The following APBA1 variants were observed in gnomAD, a reference collection of about 807,000 sequenced individuals.
APBA1 encodes the protein amyloid beta precursor protein binding family A member 1.
APBA1 carries 55 observed loss-of-function variants against 86.6 expected under a neutral mutation model. That is an observed-to-expected ratio of 0.64 (90% confidence interval 0.51 to 0.80). APBA1 has a LOEUF of 0.80. Ranked by LOEUF, APBA1 falls within the 30% of genes least tolerant of loss-of-function variation. The probability of loss-of-function intolerance (pLI) is 0.00; values close to 1 mark genes in which losing one functional copy is unlikely to be tolerated. For missense variants in APBA1, 1,090 were observed against 1,183.0 expected (o/e 0.92, Z 1.15); for synonymous variants, 511 against 493.9 (o/e 1.03, Z -0.46).
chr9:69,661,537 C>T lies in APBA1; in HGVS notation c.-70+10616G>A, dbSNP rs557590869. ...CACTGTATTCCAGCTCATTCTGAGT[C>T]CTTGCCACCCCACAGGGCCAAGAAT... On this transcript the variant is annotated intron_variant, in intron 1 of 12. Coordinates refer to ENST00000265381, the MANE Select transcript of APBA1 (RefSeq NM_001163.4). Among the ~76,000 whole-genome samples, 6 of 152,228 alleles carry T rather than the reference C, an allele frequency of 3.9e-5. No individual in the cohort carries two copies. In the South Asian group the frequency reaches 1.2e-3, roughly 32 times the overall value.
chr9:69,512,665 G>A (rs955515566), intron 2 of APBA1, among the ~76,000 whole-genome samples: 2 of 152,140 alleles, frequency 1.3e-5, no homozygotes, highest in African/African-American at 4.8e-5. Flanking sequence ...TGGGGAAAGT[G>A]CCCAGATAAT....
rs1564105098 is a variant in APBA1 at position 69,658,316 on chromosome 9, T to TTCTCTCTCTTTCTCTC, written c.-70+13836_-70+13837insGAGAGAAAGAGAGAGA. On this transcript the variant is annotated intron_variant, in intron 1 of 12. Coordinates refer to ENST00000265381, the MANE Select transcript of APBA1 (RefSeq NM_001163.4). ...TCTTTCTCTCTCTCTCTTTCTTTCT[T>TTCTCTCTCTTTCTCTC]TCTTTCTTTCTTTCTTTCTTTCTTT... 3.6e-5 allele frequency among the ~76,000 whole-genome samples: 3 copies of TTCTCTCTCTTTCTCTC among 82,958 alleles called. No homozygotes were observed. The East Asian group carries it at 1.2e-3, about 33-fold the overall frequency. 54.4% of individuals were successfully genotyped at this position (82,958 alleles called of 152,430 possible).
intron 1 of APBA1, among the ~76,000 whole-genome samples, chr9:69,520,411 C>A (rs1010785798): frequency 2.0e-5 from 3 of 152,052 alleles, no homozygotes; most frequent in African/African-American, 7.2e-5. Context: ...AGTAATTCTA[C>A]ATATAGAAGT....
intron 1 of APBA1, among the ~76,000 whole-genome samples, chr9:69,591,335 C>T (rs1822124215): frequency 6.6e-6 from 1 of 152,180 alleles, no homozygotes; most frequent in Admixed American, 6.5e-5. Context: ...GTAGTTTATA[C>T]TTTCAAATAC....
chr9:69,458,715 A>C (rs551973361), intron 5 of APBA1, among the ~76,000 whole-genome samples: 1 of 151,970 alleles, frequency 6.6e-6, no homozygotes, highest in African/African-American at 2.4e-5. Flanking sequence ...TTTTTTTTCA[A>C]ATTTCCACTG....
chr9:69,537,967 G>T (rs1044197511), intron 1 of APBA1, among the ~76,000 whole-genome samples: 1 of 151,878 alleles, frequency 6.6e-6, no homozygotes, highest in African/African-American at 2.4e-5. Context: ...CAAAGATGAG[G>T]ACTGTTTTGT....
intron 1 of APBA1, among the ~76,000 whole-genome samples, chr9:69,613,095 T>A (rs1426338819): frequency 1.3e-5 from 2 of 152,056 alleles, no homozygotes; most frequent in African/African-American, 4.8e-5. Flanking sequence ...ATGAAAAAAA[T>A]TTGTGTGTGT....
chr9:69,542,449 G>A lies in APBA1; in HGVS notation c.-69-25170C>T, dbSNP rs112094200. On this transcript the variant is annotated intron_variant, in intron 1 of 12. Transcript: ENST00000265381. ...ATTCCTCCATGTCTTTCTCTGCCTT[G>A]AGCGCTCATTTCTTTTTAGCACTGA... 3.4e-3 allele frequency among the ~76,000 whole-genome samples: 519 copies of A among 152,254 alleles called. 3 individuals carry two copies. The highest frequency in any genetic ancestry group is 0.012 in the African/African-American group (485 of 41,540).
intron 11 of APBA1, among the ~76,000 whole-genome samples, chr9:69,440,775 GCTGCACCCACTGTC>G (rs1000959803): frequency 1.6e-4 from 24 of 152,248 alleles, no homozygotes; most frequent in African/African-American, 4.6e-4. Flanking sequence ...TGCACAGTGC[GCTGCACCCACTGTC>G]CTGCACCCAC....
At chr9:69,441,532 A>G (rs1834824849) in intron 10 of APBA1, among the ~76,000 whole-genome samples, 1 of 152,238 alleles carries the variant, frequency 6.6e-6, no homozygotes, top group East Asian at 1.9e-4. Context: ...TCTGAAAGGC[A>G]AACTCTAGCA....
intron 2 of APBA1, among the ~76,000 whole-genome samples, chr9:69,511,324 GC>G (rs1483080026): frequency 6.6e-6 from 1 of 152,194 alleles, no homozygotes; most frequent in African/African-American, 2.4e-5. Flanking sequence ...ATGAAAAAAT[GC>G]TCATCATCAC....
At chr9:69,658,324 T>TCTCTTTCTCTCTCTCTC (rs1823676635) in intron 1 of APBA1, among the ~76,000 whole-genome samples, 1 of 128,804 alleles carries the variant, frequency 7.8e-6, no homozygotes, top group African/African-American at 3.1e-5. Context: ...CTTTCTTTCT[T>TCTCTTTCTCTCTCTCTC]TCTTTCTTTC....
At chr9:69,642,376 A>G (rs1823304712) in intron 1 of APBA1, among the ~76,000 whole-genome samples, 1 of 152,224 alleles carries the variant, frequency 6.6e-6, no homozygotes, top group African/African-American at 2.4e-5. Flanking sequence ...ACTCAACATC[A>G]TTAGTCATCA....
chr9:69,440,415 C>A (rs1017912453), intron 11 of APBA1, among the ~76,000 whole-genome samples: 4 of 151,776 alleles, frequency 2.6e-5, no homozygotes, highest in Non-Finnish European at 5.9e-5. Flanking sequence ...CCTCCTTGAG[C>A]TGTAGTGGGC....
intron 10 of APBA1, among the ~76,000 whole-genome samples, chr9:69,447,692 C>A (rs917921459): frequency 6.6e-6 from 1 of 152,170 alleles, no homozygotes; most frequent in Admixed American, 6.5e-5. Flanking sequence ...ATTACATCAT[C>A]TTGCTGTGCC....
rs1268662239 is a variant in APBA1, at chr9:69,435,455, T to C, written c.2302-2779A>G. ...ATTTCTCCACATCCTCTCCAGCACC[T>C]GTTGTTTCCTGACTTTTTAATGATC... On this transcript the variant is annotated intron_variant, in intron 11 of 12. Coordinates refer to ENST00000265381, the MANE Select transcript of APBA1 (RefSeq NM_001163.4). Among the ~76,000 whole-genome samples, 4 of 152,186 alleles carry C rather than the reference T, an allele frequency of 2.6e-5. No homozygotes were observed. The East Asian group carries it at 7.7e-4, about 29-fold the overall frequency.
At chr9:69,495,455 C>G (rs1835779344) in intron 2 of APBA1, among the ~76,000 whole-genome samples, 1 of 151,990 alleles carries the variant, frequency 6.6e-6, no homozygotes, top group Non-Finnish European at 1.5e-5. Flanking sequence ...AAGTCCTGAC[C>G]TCAGTACTCG....
intron 1 of APBA1, among the ~76,000 whole-genome samples, chr9:69,522,096 T>TTA (rs1316852334): frequency 9.4e-5 from 14 of 148,780 alleles, no homozygotes; most frequent in Admixed American, 2.7e-4. Flanking sequence ...CATATATAAA[T>TTA]TATATATATA....
chr9:69,452,443 C>T (rs566849891), intron 8 of APBA1, 142 bp from the exon 9 acceptor site: 120 of 751,528 alleles, frequency 1.6e-4, no homozygotes, highest in African/African-American at 1.5e-3. Flanking sequence ...AGTGGTTCTA[C>T]GTGGGGCTAC....
Sources: gnomAD v4.1 joint callset for allele counts (sites outside exome capture counted in the v4.1 genomes callset) on GRCh38, gnomAD v4.1.1 for gene constraint, MANE v1.5 for transcripts, NCBI Gene and HGNC (gene_info 2026-07-23, HGNC 2026-07-21) for gene names.